The following LRRC4C variants were observed in gnomAD, a reference collection of about 807,000 sequenced individuals.
The protein encoded by LRRC4C is leucine rich repeat containing 4C.
A neutral mutation model predicts 33.6 loss-of-function variants in LRRC4C; 5 were observed. That is an observed-to-expected ratio of 0.15 (90% CI 0.08 to 0.31). The LOEUF (loss-of-function observed/expected upper bound fraction) is 0.31. Ranked by LOEUF, LRRC4C falls within the 10% of genes least tolerant of loss-of-function variation. The pLI is 1.00. For missense variants in LRRC4C, 560 were observed against 796.7 expected (o/e 0.70, Z 3.58); for synonymous variants, 329 against 302.0 (o/e 1.09, Z -0.93).
chr11:40,254,003 A>C (rs2136201434), intron 4 of LRRC4C, among the ~76,000 whole-genome samples: 1 of 152,298 alleles, frequency 6.6e-6, no homozygotes, highest in Non-Finnish European at 1.5e-5. Context: ...CTATGGGATG[A>C]ATTCCATTTC....
intron 3 of LRRC4C, among the ~76,000 whole-genome samples, chr11:40,354,966 G>A (rs994643530): frequency 2.0e-5 from 3 of 152,108 alleles, no homozygotes; most frequent in Non-Finnish European, 4.4e-5. Context: ...AGCCAGCACA[G>A]CCTTGGGTCT....
intron 1 of LRRC4C, among the ~76,000 whole-genome samples, chr11:41,356,867 C>T (rs1247857265): frequency 6.6e-6 from 1 of 152,072 alleles, no homozygotes; most frequent in Non-Finnish European, 1.5e-5. Context: ...GAATGATATA[C>T]TTATTGATGT....
intron 2 of LRRC4C, among the ~76,000 whole-genome samples, chr11:40,781,221 G>T (rs79000605): frequency 0.023 from 3,471 of 152,064 alleles, 137 homozygotes; most frequent in African/African-American, 0.079. Flanking sequence ...AGTAAAATCA[G>T]GGTATTATAA....
chr11:40,711,923 G>A (rs1216854564), intron 2 of LRRC4C, among the ~76,000 whole-genome samples: 1 of 152,016 alleles, frequency 6.6e-6, no homozygotes, highest in Non-Finnish European at 1.5e-5. Context: ...CTTTCTCCTG[G>A]GAACTTAAAT....
chr11:40,928,301 C>T (rs910343103), intron 2 of LRRC4C, among the ~76,000 whole-genome samples: 3 of 150,588 alleles, frequency 2.0e-5, no homozygotes, highest in African/African-American at 4.9e-5. Flanking sequence ...TAAGATGTCA[C>T]GGACTTCCTG....
At chr11:41,034,458 C>T (rs370188402) in intron 1 of LRRC4C, among the ~76,000 whole-genome samples, 8 of 128,994 alleles carry the variant, frequency 6.2e-5, no homozygotes, top group Non-Finnish European at 9.8e-5. Flanking sequence ...ACACACACAC[C>T]ATATATATAT....
At chr11:40,650,975 C>T (rs1272733492) in intron 2 of LRRC4C, among the ~76,000 whole-genome samples, 3 of 152,090 alleles carry the variant, frequency 2.0e-5, no homozygotes, top group Non-Finnish European at 4.4e-5. Context: ...TTGTAGCCAA[C>T]AAATACTTGT....
chr11:40,992,822 G>C (rs1440787565), intron 1 of LRRC4C, among the ~76,000 whole-genome samples: 4 of 152,002 alleles, frequency 2.6e-5, no homozygotes, highest in Non-Finnish European at 4.4e-5. Context: ...TAACAATATT[G>C]AGCAATTTTG....
chr11:40,834,907 G>GACACACACACACACACACAC, intron 2 of LRRC4C, among the ~76,000 whole-genome samples: 1 of 45,206 alleles, frequency 2.2e-5, no homozygotes, highest in Non-Finnish European at 6.4e-5. Context: ...CAGACAGACA[G>GACACACACACACACACACAC]ACAGACACAC....
chr11:41,077,226 C>T (rs572595463), intron 1 of LRRC4C, among the ~76,000 whole-genome samples: 1 of 152,234 alleles, frequency 6.6e-6, no homozygotes, highest in Non-Finnish European at 1.5e-5. Flanking sequence ...AGGATGGTGG[C>T]CTTTTTCTCA....
At chr11:40,720,344 C>A (rs1946951201) in intron 2 of LRRC4C, among the ~76,000 whole-genome samples, 1 of 152,108 alleles carries the variant, frequency 6.6e-6, no homozygotes, top group Admixed American at 6.6e-5. Flanking sequence ...GACTGGATTT[C>A]TACTGTTTTC....
At chr11:40,866,595 G>T (rs1050228183) in intron 2 of LRRC4C, among the ~76,000 whole-genome samples, 3 of 152,244 alleles carry the variant, frequency 2.0e-5, no homozygotes, top group South Asian at 2.1e-4. Context: ...TGTGACAGTA[G>T]TGTGGGGGAC....
intron 4 of LRRC4C, among the ~76,000 whole-genome samples, chr11:40,276,735 G>A (rs1478847351): frequency 6.7e-6 from 1 of 149,782 alleles, no homozygotes; most frequent in Non-Finnish European, 1.5e-5. Flanking sequence ...GTCTGTGTAT[G>A]CAAGCAAGCC....
intron 3 of LRRC4C, among the ~76,000 whole-genome samples, chr11:40,323,459 A>G (rs1236416920): frequency 2.0e-5 from 3 of 152,188 alleles, no homozygotes; most frequent in Admixed American, 1.3e-4. Context: ...ACTCACCTTC[A>G]TAGTTTCATA....
chr11:41,410,548 C>T (rs1954432466), intron 1 of LRRC4C, among the ~76,000 whole-genome samples: 1 of 151,882 alleles, frequency 6.6e-6, no homozygotes, highest in Non-Finnish European at 1.5e-5. Flanking sequence ...TCACGCCATT[C>T]TCCTGCCTCA....
chr11:40,787,238 A>G (rs1950446657), intron 2 of LRRC4C, among the ~76,000 whole-genome samples: 1 of 150,836 alleles, frequency 6.6e-6, no homozygotes, highest in Admixed American at 6.6e-5. Context: ...TGTCTGTCAC[A>G]CATTGTTCTG....
At chr11:40,706,870 C>A (rs1240191902) in intron 2 of LRRC4C, among the ~76,000 whole-genome samples, 1 of 152,134 alleles carries the variant, frequency 6.6e-6, no homozygotes, top group Non-Finnish European at 1.5e-5. Context: ...TTGTTTGTAA[C>A]CTCTCTTTTA....
At chr11:40,498,190 C>T (rs1177061433) in intron 3 of LRRC4C, among the ~76,000 whole-genome samples, 1 of 152,166 alleles carries the variant, frequency 6.6e-6, no homozygotes, top group African/African-American at 2.4e-5. Context: ...TGATTGAGTT[C>T]TGTTCCTAAA....
At chr11:40,540,595 G>T (rs1163416381) in intron 3 of LRRC4C, among the ~76,000 whole-genome samples, 1 of 152,022 alleles carries the variant, frequency 6.6e-6, no homozygotes, top group Admixed American at 6.6e-5. Flanking sequence ...TAAAATTTAG[G>T]TAAGGGAAGA....
Sources: gnomAD v4.1 joint callset for allele counts (sites outside exome capture counted in the v4.1 genomes callset) on GRCh38, gnomAD v4.1.1 for gene constraint, MANE v1.5 for transcripts, NCBI Gene and HGNC (gene_info 2026-07-23, HGNC 2026-07-21) for gene names.